Variants in DHX37 observed in about 807,000 individuals in gnomAD.
The protein encoded by DHX37 is DEAH-box helicase 37.
A neutral mutation model predicts 134.3 loss-of-function variants in DHX37; 52 were observed. The observed-to-expected ratio is 0.39, with a 90% CI of 0.31 to 0.49. DHX37 has a LOEUF of 0.49. Ranked by LOEUF, DHX37 falls within the 20% of genes least tolerant of loss-of-function variation. The pLI is 0.93. For synonymous variants in DHX37, 634 were observed against 670.7 expected (o/e 0.95, Z 0.85); for missense variants, 1,344 against 1,580.8 (o/e 0.85, Z 2.54).
chr12:124,988,649 AGGGAT>A (rs1313745417), intron 1 of DHX37, among the ~76,000 whole-genome samples: 3 of 152,138 alleles, frequency 2.0e-5, no homozygotes, highest in African/African-American at 7.2e-5. Context: ...AGTCATGGGA[AGGGAT>A]GGAACTACTC....
rs931191466 is a variant in DHX37 at position 124,964,498 on chromosome 12, G to T, written c.1941C>A (p.Asp647Glu). The T allele has an allele frequency of 4.3e-6, 7 of 1,614,216 alleles. No homozygotes were observed. The highest frequency in any genetic ancestry group is 5.9e-6 in the Non-Finnish European group (7 of 1,180,032). The change falls in exon 15 of 27, where the codon GAC (aspartate) becomes GAA (glutamate). Residue 647 changes from aspartate (D) to glutamate (E), a missense_variant. This residue lies in a region of DHX37 where 39 missense variants were observed against 87.9 expected (regional missense o/e 0.44). Transcript: ENST00000308736. ...GGAAGGAGGATACGCCAGTGACGCG[G>T]TCGTAGTAGCGTTTCTTGACCTTCC... ...DCGKVKKRYY[D>E]RVTGVSSFRV...
At chr12:124,984,657 C>A in intron 2 of DHX37, among the ~76,000 whole-genome samples, 1 of 151,722 alleles carries the variant, frequency 6.6e-6, no homozygotes. Flanking sequence ...CATGAAACAA[C>A]AGGAAATTTA....
chr12:124,950,865 T>G, intron 21 of DHX37, 61 bp from the exon 22 acceptor site: 1 of 1,505,068 alleles, frequency 6.6e-7, no homozygotes, highest in Non-Finnish European at 8.8e-7. Context: ...CTCCGCATAC[T>G]TTCAACCCAG....
rs371053198 is a variant in DHX37, at chr12:124,950,427, C to G, written c.3107G>C (p.Arg1036Pro). 1.3e-6 allele frequency: 2 copies of G among 1,598,238 alleles called. No individual in the cohort carries two copies. Among genetic ancestry groups the G allele is most frequent in the Non-Finnish European group, 8.5e-7 (1 of 1,172,336 alleles). ...CCCCAACTCACAGAACACGCTGGCC[C>G]GGTGACACAGCACCCGCCCCCGCTC... ...CPERGRVLCH[R>P]ASVFYRVGWP... The change falls in exon 23 of 27, where the codon CGG (arginine) becomes CCG (proline). Residue 1036 changes from arginine to proline, a missense_variant. Coordinates refer to ENST00000308736, the MANE Select transcript of DHX37 (RefSeq NM_032656.4).
intron 18 of DHX37, among the ~76,000 whole-genome samples, chr12:124,956,439 C>T (rs1282561893): frequency 3.3e-5 from 5 of 152,220 alleles, no homozygotes; most frequent in Admixed American, 6.5e-5. Flanking sequence ...TTGTTAAATA[C>T]ACAATGCACT....
At chr12:124,967,581 C>T (rs1954416600) in intron 10 of DHX37, among the ~76,000 whole-genome samples, 1 of 152,216 alleles carries the variant, frequency 6.6e-6, no homozygotes, top group African/African-American at 2.4e-5. Context: ...AGCCTCACCT[C>T]CTGCCAGCCC....
intron 7 of DHX37, 102 bp from the exon 8 acceptor site, chr12:124,971,517 G>A: frequency 6.6e-7 from 1 of 1,513,106 alleles, no homozygotes; most frequent in Non-Finnish European, 8.9e-7. Flanking sequence ...TAGAGGAAGG[G>A]CAGCTGCTCT....
chr12:124,979,789 T>G (rs772677736), intron 4 of DHX37, among the ~76,000 whole-genome samples: 15 of 152,242 alleles, frequency 9.9e-5, no homozygotes, highest in Non-Finnish European at 2.2e-4. Context: ...CAGATGGCAC[T>G]GGGTGATGAC....
Position 124,965,766 on chromosome 12 carries a change from C to A in DHX37, c.1637G>T (p.Gly546Val), listed in dbSNP as rs1464934219. 5 of 1,613,996 alleles carry A rather than the reference C, an allele frequency of 3.1e-6. No homozygotes were observed. Among genetic ancestry groups the A allele is most frequent in the Non-Finnish European group, 4.2e-6 (5 of 1,179,934 alleles). Residue 546 changes from glycine (G) to valine (V), a missense_variant, in exon 13 of 27, where the codon GGC (glycine) becomes GTC (valine). This residue lies in a region of DHX37 where 289 missense variants were observed against 323.8 expected (regional missense o/e 0.89). Coordinates refer to ENST00000308736, the MANE Select transcript of DHX37 (RefSeq NM_032656.4). ...TGCCTCCCTGTCCTCATCGCCTTCG[C>A]CTGCCGGTAACACCGAGTAATGATC... ...NLDHYSVLPA[G>V]EGDEDREAEV...
intron 16 of DHX37, among the ~76,000 whole-genome samples, chr12:124,958,671 G>A (rs964950863): frequency 6.6e-6 from 1 of 152,090 alleles, no homozygotes; most frequent in South Asian, 2.1e-4. Flanking sequence ...ATATCGCCCA[G>A]GCTAGAGTGC....
At chr12:124,986,018 AC>A in intron 2 of DHX37, 77 bp downstream of exon 2, 1 of 1,555,518 alleles carries the variant, frequency 6.4e-7, no homozygotes, top group Non-Finnish European at 8.7e-7. Context: ...CCACAGAGAC[AC>A]CCTCAGGAGG....
intron 25 of DHX37, 192 bp from the exon 26 acceptor site, chr12:124,948,373 C>T: frequency 9.5e-7 from 1 of 1,055,586 alleles, no homozygotes; most frequent in African/African-American, 1.6e-5. Context: ...TCCCTTGAGC[C>T]TGGGAGTTGG....
intron 17 of DHX37, 63 bp downstream of exon 17, chr12:124,956,966 C>A (rs1050216897): frequency 2.0e-5 from 31 of 1,525,078 alleles, no homozygotes; most frequent in Non-Finnish European, 2.7e-5. Flanking sequence ...AGCTCAGGCC[C>A]AGCAAAAGGG....
At position 124,957,114 on chromosome 12, in the gene DHX37, T is replaced by C. The variant is rs769759967; in HGVS notation, c.2179A>G (p.Thr727Ala). The C allele has an allele frequency of 9.4e-6, 14 of 1,494,914 alleles. No homozygotes were observed. The highest frequency in any genetic ancestry group is 2.7e-6 in the Non-Finnish European group (3 of 1,125,064). The allele number at this position is 1,494,914 out of a possible 1,614,324, so 92.6% of individuals were successfully genotyped here. A position where few individuals can be genotyped will look rare whatever the true frequency, so the allele number is the denominator to read the frequency against. The change falls in exon 17 of 27, where the codon ACG (threonine) becomes GCG (alanine). Residue 727 changes from threonine to alanine, a missense_variant. Physicochemically the swap from Thr to Ala is moderately conservative, Grantham distance 58. Coordinates refer to ENST00000308736, the MANE Select transcript of DHX37 (RefSeq NM_032656.4). Reference protein sequence around the residue: ...VEKVINFPFPTPPSVEALLAA... With the variant: ...VEKVINFPFPAPPSVEALLAA... Reference sequence around the variant, plus strand: ...AGAAGGGCTTCCACGGAGGGGGGCGTCGGGAAGGGGAAGTTGATGACCTGG... The same window carrying C: ...AGAAGGGCTTCCACGGAGGGGGGCGCCGGGAAGGGGAAGTTGATGACCTGG...
rs1953923872 is a variant in DHX37, at chr12:124,949,075, C to A, written c.3291-894G>T. On this transcript the variant is annotated intron_variant, in intron 25 of 26. Coordinates refer to ENST00000308736, the MANE Select transcript of DHX37 (RefSeq NM_032656.4). This position sits in a 1 kb window ranked among gnomAD's most constrained non-coding sequence, Gnocchi z 4.0. ...CCCCGACCAGCCCAGTCGCACTCCA[C>A]CCCCTGCCCACCGAGGCCTCACTCA... 6.6e-6 allele frequency among the ~76,000 whole-genome samples: 1 copy of A among 152,128 alleles called. No homozygotes were observed. The highest frequency in any genetic ancestry group is 2.1e-4 in the South Asian group (1 of 4,820).
chr12:124,950,330 C>G, intron 23 of DHX37, 83 bp downstream of exon 23: 1 of 1,602,354 alleles, frequency 6.2e-7, no homozygotes, highest in Non-Finnish European at 8.5e-7. Flanking sequence ...CACACACGTC[C>G]GGGGGCAGGG....
chr12:124,972,166 G>C (rs1380571784), intron 7 of DHX37, among the ~76,000 whole-genome samples: 1 of 152,228 alleles, frequency 6.6e-6, no homozygotes, highest in Non-Finnish European at 1.5e-5. Flanking sequence ...CAGGCTTTCA[G>C]TACACCCCCG....
intron 16 of DHX37, among the ~76,000 whole-genome samples, chr12:124,957,898 T>C (rs1341661450): frequency 1.3e-5 from 2 of 152,262 alleles, no homozygotes; most frequent in East Asian, 1.9e-4. Flanking sequence ...ACCCATAAAA[T>C]GGACAATGAT....
intron 16 of DHX37, among the ~76,000 whole-genome samples, chr12:124,959,899 C>T (rs7303448): frequency 0.31 from 47,364 of 152,106 alleles, 9,559 homozygotes; most frequent in African/African-American, 0.58. Context: ...CAGGACAGCA[C>T]GCAGCGTGGC....
Sources: allele counts gnomAD v4.1 joint callset (sites outside exome capture counted in the v4.1 genomes callset), GRCh38; gene constraint gnomAD v4.1.1; regional missense constraint gnomAD v4.1.1; non-coding constraint Gnocchi (gnomAD v3.1); transcripts MANE v1.5; gene names NCBI Gene and HGNC (gene_info 2026-07-23, HGNC 2026-07-21).